The following SYT1 variants were observed in gnomAD, a reference collection of about 807,000 sequenced individuals.
SYT1 encodes synaptotagmin 1, also known as synaptotagmin-1.
SYT1 carries 8 observed loss-of-function variants against 44.8 expected under a neutral mutation model. The ratio of observed to expected loss-of-function variants is 0.18; its 90% CI spans 0.10 to 0.32. The LOEUF is 0.32. SYT1 is among the 10% of genes least tolerant of loss of function. The probability of loss-of-function intolerance (pLI) is 1.00; values close to 1 mark genes in which losing one functional copy is unlikely to be tolerated. For synonymous variants in SYT1, 154 were observed against 188.8 expected (o/e 0.82, Z 1.51); for missense variants, 286 against 509.3 (o/e 0.56, Z 4.22).
At chr12:79,168,878 G>C (rs1871356063) in intron 3 of SYT1, among the ~76,000 whole-genome samples, 1 of 151,984 alleles carries the variant, frequency 6.6e-6, no homozygotes. Context: ...TTTCTAAATA[G>C]CTTTCCCATA....
intron 1 of SYT1, among the ~76,000 whole-genome samples, chr12:78,879,155 G>T (rs1463787043): frequency 6.6e-6 from 1 of 151,684 alleles, no homozygotes; most frequent in Non-Finnish European, 1.5e-5. Context: ...TCAGGAAAAT[G>T]CAAAGCTTTC....
chr12:79,232,979 C>A (rs1029910943), intron 4 of SYT1, among the ~76,000 whole-genome samples: 2 of 152,178 alleles, frequency 1.3e-5, no homozygotes, highest in African/African-American at 4.8e-5. Context: ...TTTGCTTTTT[C>A]TCTCTCCTTT....
At chr12:79,284,692 A>G (rs1879218963) in intron 4 of SYT1, among the ~76,000 whole-genome samples, 1 of 152,016 alleles carries the variant, frequency 6.6e-6, no homozygotes, top group Non-Finnish European at 1.5e-5. Context: ...TATAAAAATT[A>G]GCTGGGCATG....
chr12:78,987,191 C>G (rs1047736787), intron 2 of SYT1, among the ~76,000 whole-genome samples: 1 of 152,038 alleles, frequency 6.6e-6, no homozygotes, highest in Non-Finnish European at 1.5e-5. Context: ...TCATTATGAT[C>G]AGTACAAATG....
chr12:79,039,409 C>T (rs1444057595), intron 2 of SYT1, among the ~76,000 whole-genome samples: 1 of 151,834 alleles, frequency 6.6e-6, no homozygotes, highest in Non-Finnish European at 1.5e-5. Flanking sequence ...ACTGAAACAT[C>T]AGATAGATGA....
intron 9 of SYT1, among the ~76,000 whole-genome samples, chr12:79,436,021 A>T (rs1479459751): frequency 6.6e-6 from 1 of 152,208 alleles, no homozygotes; most frequent in Non-Finnish European, 1.5e-5. Context: ...GTCATAAGAC[A>T]GTCTGGGAGA....
intron 4 of SYT1, among the ~76,000 whole-genome samples, chr12:79,222,380 T>TTTTTTC (rs1555208604): frequency 1.6e-4 from 23 of 141,918 alleles, no homozygotes; most frequent in East Asian, 4.3e-4. Context: ...TTATTTACTT[T>TTTTTTC]TTTTTTCTTT....
intron 2 of SYT1, among the ~76,000 whole-genome samples, chr12:79,010,810 A>G (rs1323009240): frequency 1.3e-5 from 2 of 152,142 alleles, no homozygotes; most frequent in African/African-American, 2.4e-5. Context: ...TTCATTATTC[A>G]TTTTATGAAG....
intron 2 of SYT1, among the ~76,000 whole-genome samples, chr12:79,013,734 A>G (rs541590722): frequency 6.6e-6 from 1 of 152,226 alleles, no homozygotes; most frequent in Non-Finnish European, 1.5e-5. Context: ...CTAGATAGTT[A>G]TAGAATGTAA....
At chr12:79,007,622 G>T (rs1297326452) in intron 2 of SYT1, among the ~76,000 whole-genome samples, 1 of 152,074 alleles carries the variant, frequency 6.6e-6, no homozygotes, top group Admixed American at 6.6e-5. Flanking sequence ...AGAAGTTAGT[G>T]AACGGTTAAT....
At position 79,266,486 on chromosome 12, in the gene SYT1, C is replaced by G. The variant is rs576515839; in HGVS notation, c.167-19301C>G. Among the ~76,000 whole-genome samples the G allele has an allele frequency of 8.5e-5, 13 of 152,198 alleles. 1 individual carries two copies. The East Asian group carries it at 2.5e-3, about 29-fold the overall frequency. ...TACAATAGCAAGAGTCATGCAGGGC[C>G]TTGTGGTCATGTGCTTACAGTTGCA... On this transcript the variant is annotated intron_variant, in intron 4 of 10. Transcript: ENST00000261205.
At chr12:78,990,599 C>A (rs1288853427) in intron 2 of SYT1, among the ~76,000 whole-genome samples, 1 of 152,100 alleles carries the variant, frequency 6.6e-6, no homozygotes, top group African/African-American at 2.4e-5. Flanking sequence ...AATTTAGGTT[C>A]TTTCTTAAAT....
chr12:79,087,758 T>C (rs1381191506), intron 3 of SYT1, among the ~76,000 whole-genome samples: 2 of 152,158 alleles, frequency 1.3e-5, no homozygotes, highest in African/African-American at 4.8e-5. Flanking sequence ...CAATCCATGA[T>C]AGAAGCTCAG....
intron 2 of SYT1, among the ~76,000 whole-genome samples, chr12:79,029,140 C>T (rs1872693926): frequency 6.6e-6 from 1 of 151,088 alleles, no homozygotes; most frequent in Non-Finnish European, 1.5e-5. Flanking sequence ...ATGCAGGTAT[C>T]AGTTATGCCT....
intron 4 of SYT1, among the ~76,000 whole-genome samples, chr12:79,223,426 A>C (rs1234023471): frequency 1.3e-5 from 2 of 152,172 alleles, no homozygotes. Flanking sequence ...AAGGTGCTCT[A>C]ACAGCTGGAT....
intron 4 of SYT1, among the ~76,000 whole-genome samples, chr12:79,272,029 G>A (rs935602438): frequency 2.0e-5 from 3 of 152,068 alleles, no homozygotes; most frequent in Non-Finnish European, 2.9e-5. Flanking sequence ...AGATGTATCC[G>A]ATATTTTTAT....
At chr12:79,293,214 C>G (rs1008022845) in intron 6 of SYT1, among the ~76,000 whole-genome samples, 1 of 150,520 alleles carries the variant, frequency 6.6e-6, no homozygotes, top group Non-Finnish European at 1.5e-5. Context: ...GTCCCAGCTA[C>G]TCAGGAGGCT....
At chr12:79,015,199 C>T (rs1592663943) in intron 2 of SYT1, among the ~76,000 whole-genome samples, 1 of 151,762 alleles carries the variant, frequency 6.6e-6, no homozygotes, top group African/African-American at 2.4e-5. Context: ...TACCCTAAAA[C>T]TTAAAGTATA....
intron 1 of SYT1, among the ~76,000 whole-genome samples, chr12:78,889,855 T>G (rs954132626): frequency 1.3e-5 from 2 of 151,928 alleles, no homozygotes; most frequent in Non-Finnish European, 2.9e-5. Flanking sequence ...ACAATGATCA[T>G]CATGATATAT....
Sources: allele counts gnomAD v4.1 joint callset (sites outside exome capture counted in the v4.1 genomes callset), GRCh38; gene constraint gnomAD v4.1.1; transcripts MANE v1.5; gene names NCBI Gene and HGNC (gene_info 2026-07-23, HGNC 2026-07-21).